The following ARHGAP40 variants were observed in gnomAD, a reference collection of about 807,000 sequenced individuals.
ARHGAP40 encodes Rho GTPase activating protein 40.
ARHGAP40 carries 43 observed loss-of-function variants against 73.5 expected under a neutral mutation model. The ratio of observed to expected loss-of-function variants is 0.58; its 90% CI spans 0.46 to 0.75. The LOEUF is 0.75. ARHGAP40 is among the 30% of genes least tolerant of loss of function. ARHGAP40 has a pLI of 0.00. For missense variants in ARHGAP40, 734 were observed against 861.8 expected (o/e 0.85, Z 1.86); for synonymous variants, 300 against 352.8 (o/e 0.85, Z 1.68).
chr20:38,643,868 G>A, exon 11 of ARHGAP40: 5 of 1,305,248 alleles, frequency 3.8e-6, no homozygotes, highest in Non-Finnish European at 5.1e-6. Flanking sequence ...GGGCAGCCGA[G>A]GTGGTGCAGA....
intron 3 of ARHGAP40, among the ~76,000 whole-genome samples, chr20:38,628,077 A>G (rs2088913776): frequency 6.6e-6 from 1 of 152,196 alleles, no homozygotes; most frequent in African/African-American, 2.4e-5. Flanking sequence ...GGACCACCCT[A>G]TAGGCTGTGT....
In ARHGAP40 at chr20:38,646,440, C is replaced by T. The variant is rs2089054096; in HGVS notation, c.1710+253C>T. Reference sequence around the variant, plus strand: ...CCCCTAGAAACCGTCACCGCCGCCCCATTTTTCGGCAGCCCCTGGCCGAGG... The same window carrying T: ...CCCCTAGAAACCGTCACCGCCGCCCTATTTTTCGGCAGCCCCTGGCCGAGG... On this transcript the variant is annotated intron_variant, in intron 12 of 14. Coordinates refer to ENST00000373345, the Ensembl canonical transcript of ARHGAP40. This position sits in a 1 kb window ranked among gnomAD's most constrained non-coding sequence, Gnocchi z 4.5. Among the ~76,000 whole-genome samples, 1 of 152,200 alleles carries T rather than the reference C, an allele frequency of 6.6e-6. No homozygotes were observed. The highest frequency in any genetic ancestry group is 6.5e-5 in the Admixed American group (1 of 15,284).
chr20:38,634,883 T>G (rs1568609698), intron 6 of ARHGAP40, 98 bp downstream of exon 6: 2 of 1,108,964 alleles, frequency 1.8e-6, no homozygotes, highest in Admixed American at 4.7e-5. Context: ...TTTGTCTTTC[T>G]TTCTTTTTTT....
intron 5 of ARHGAP40, among the ~76,000 whole-genome samples, chr20:38,632,139 T>G (rs1037001355): frequency 1.3e-5 from 2 of 152,112 alleles, no homozygotes; most frequent in East Asian, 1.9e-4. Context: ...AATTTTTGTA[T>G]TTTTAGTAGA....
intron 1 of ARHGAP40, among the ~76,000 whole-genome samples, chr20:38,607,364 C>G (rs566153980): frequency 6.6e-6 from 1 of 152,190 alleles, no homozygotes; most frequent in Non-Finnish European, 1.5e-5. Context: ...AAACCCGGAA[C>G]GGCCACCTCA....
At chr20:38,615,042 G>T in intron 1 of ARHGAP40, 1 of 1,032,218 alleles carries the variant, frequency 9.7e-7, no homozygotes. Context: ...ATCCGGCTTG[G>T]CATGTGCCTC....
rs1414447824 is a variant in ARHGAP40, at chr20:38,648,712, T to C, written c.1936+14T>C. Reference sequence around the variant, plus strand: ...GAGGGAATATCAGTAAGTTCCACTGTGGGAAACAGGAACAGAGCCCGGGTC... The same window carrying C: ...GAGGGAATATCAGTAAGTTCCACTGCGGGAAACAGGAACAGAGCCCGGGTC... On this transcript the variant is annotated intron_variant, in intron 14 of 14. Transcript: ENST00000373345. The C allele has an allele frequency of 7.7e-7, 1 of 1,305,476 alleles. No homozygotes were observed. Among genetic ancestry groups the C allele is most frequent in the South Asian group, 1.2e-5 (1 of 81,006 alleles). The allele number at this position is 1,305,476 out of a possible 1,614,324, so 80.9% of individuals were successfully genotyped here. A position where few individuals can be genotyped will look rare whatever the true frequency, so the allele number is the denominator to read the frequency against.
At position 38,646,302 on chromosome 20, in the gene ARHGAP40, A is replaced by G; in HGVS notation, c.1710+115A>G. ...GCTACCGGGCTGCCAGCAACGGCCC[A>G]GTGAGGCCACCAGGGGGCGTTGCGG... is the stretch of plus-strand genomic sequence containing the variant. On this transcript the variant is annotated intron_variant, in intron 12 of 14. Coordinates refer to ENST00000373345, the Ensembl canonical transcript of ARHGAP40. The surrounding 1 kb of genome is among the most constrained non-coding windows in gnomAD (Gnocchi z 4.5). 2 of 1,132,070 alleles carry G rather than the reference A, an allele frequency of 1.8e-6. No individual in the cohort carries two copies. The highest frequency in any genetic ancestry group is 2.2e-6 in the Non-Finnish European group (2 of 895,640). 70.1% of individuals were successfully genotyped at this position (1,132,070 alleles called of 1,614,324 possible).
intron 5 of ARHGAP40, among the ~76,000 whole-genome samples, chr20:38,631,189 G>A (rs142775896): frequency 0.011 from 1,668 of 151,812 alleles, 13 homozygotes; most frequent in Non-Finnish European, 0.017. Context: ...GTGCAGGCCT[G>A]TAGTCTTAGC....
intron 9 of ARHGAP40, 81 bp from the exon 10 acceptor site, chr20:38,641,645 G>C (rs2089018998): frequency 9.3e-7 from 1 of 1,079,758 alleles, no homozygotes; most frequent in Non-Finnish European, 1.2e-6. Context: ...TCCAGCTCTG[G>C]AATTTCCCCA....
chr20:38,627,908 A>G (rs2088912722), intron 3 of ARHGAP40, among the ~76,000 whole-genome samples: 1 of 152,182 alleles, frequency 6.6e-6, no homozygotes, highest in Non-Finnish European at 1.5e-5. Flanking sequence ...ATTGGGGATT[A>G]GCTCTGGAAG....
chr20:38,609,217 T>C (rs1004453887), intron 1 of ARHGAP40, among the ~76,000 whole-genome samples: 1 of 152,158 alleles, frequency 6.6e-6, no homozygotes, highest in Non-Finnish European at 1.5e-5. Flanking sequence ...TTCAGTCCCC[T>C]GCCTCCACCC....
intron 5 of ARHGAP40, among the ~76,000 whole-genome samples, chr20:38,633,472 A>G (rs555042249): frequency 6.6e-6 from 1 of 152,316 alleles, no homozygotes; most frequent in East Asian, 1.9e-4. Flanking sequence ...CATACACTTT[A>G]TTGAATTTAA....
chr20:38,644,249 G>A (rs1057323668), intron 11 of ARHGAP40, among the ~76,000 whole-genome samples: 1 of 152,068 alleles, frequency 6.6e-6, no homozygotes, highest in South Asian at 2.1e-4. Context: ...GGATCACAGG[G>A]CCTGCCTAAG....
intron 1 of ARHGAP40, among the ~76,000 whole-genome samples, chr20:38,622,681 C>A (rs888998377): frequency 1.3e-5 from 2 of 152,130 alleles, no homozygotes; most frequent in African/African-American, 4.8e-5. Context: ...TTAGGTTACC[C>A]CACATCCCTC....
Position 38,646,153 on chromosome 20 carries a change from C to A in ARHGAP40, c.1676C>A (p.Ala559Glu). 1.5e-6 allele frequency: 2 copies of A among 1,303,900 alleles called. No homozygotes were observed. The highest frequency in any genetic ancestry group is 2.0e-6 in the Non-Finnish European group (2 of 988,660). 80.8% of individuals were successfully genotyped at this position (1,303,900 alleles called of 1,614,324 possible). ...AAGACTTGGCTGCGGAGGATGCACG[C>A]AGACAGGGACAAGGCGGGGGACGGC... The change falls in exon 12 of 15, where the codon GCA becomes GAA. Residue 559 changes from alanine (A) to glutamate (E), a missense_variant. Transcript: ENST00000373345. This position sits in a 1 kb window ranked among gnomAD's most constrained non-coding sequence, Gnocchi z 4.5.
At chr20:38,617,946 T>C (rs2088851899) in intron 1 of ARHGAP40, among the ~76,000 whole-genome samples, 1 of 152,214 alleles carries the variant, frequency 6.6e-6, no homozygotes, top group African/African-American at 2.4e-5. Flanking sequence ...GCTCTTACAC[T>C]ACACTGCCCC....
intron 6 of ARHGAP40, 94 bp from the exon 7 acceptor site, chr20:38,637,614 G>A (rs1262858856): frequency 1.0e-6 from 1 of 973,046 alleles, no homozygotes; most frequent in African/African-American, 1.7e-5. Flanking sequence ...CAGGAAAAGG[G>A]GTCTGATTCT....
intron 1 of ARHGAP40, among the ~76,000 whole-genome samples, chr20:38,616,510 A>G (rs1179317535): frequency 1.3e-5 from 2 of 152,206 alleles, no homozygotes; most frequent in Non-Finnish European, 2.9e-5. Flanking sequence ...AAAAGAAAAC[A>G]TTCACAATTG....
Sources: gnomAD v4.1 joint callset for allele counts (sites outside exome capture counted in the v4.1 genomes callset) on GRCh38, gnomAD v4.1.1 for gene constraint, Gnocchi (gnomAD v3.1) non-coding constraint, MANE v1.5 for transcripts, NCBI Gene and HGNC (gene_info 2026-07-23, HGNC 2026-07-21) for gene names.